Variants in MYH14 observed in about 807,000 individuals in gnomAD.
MYH14 encodes myosin heavy chain 14.
A neutral mutation model predicts 255.5 loss-of-function variants in MYH14; 123 were observed. The ratio of observed to expected loss-of-function variants is 0.48; its 90% CI spans 0.42 to 0.56. The LOEUF is 0.56. Ranked by LOEUF, MYH14 falls within the 20% of genes least tolerant of loss-of-function variation. The pLI is 0.00. For synonymous variants in MYH14, 1,095 were observed against 1,161.2 expected (o/e 0.94, Z 1.16); for missense variants, 2,423 against 2,802.3 (o/e 0.86, Z 3.06).
rs770064199 is a variant in MYH14, at chr19:50,259,285, C to T, written c.2354+20C>T. The T allele has an allele frequency of 1.3e-6, 2 of 1,556,940 alleles. No homozygotes were observed. The highest frequency in any genetic ancestry group is 2.4e-5 in the South Asian group (2 of 84,532). On this transcript the variant is annotated intron_variant, in intron 19 of 42. Coordinates refer to ENST00000642316, the MANE Select transcript of MYH14 (RefSeq NM_001145809.2). The stretch of plus-strand genomic sequence containing the variant: ...GCAGCGGTGAGCTAGAGCGAGGGCC[C>T]AGGCCCGGCGGAGGGGCTGGGTGGG...
intron 33 of MYH14, among the ~76,000 whole-genome samples, chr19:50,282,689 C>T (rs1387594137): frequency 6.6e-6 from 1 of 151,448 alleles, no homozygotes; most frequent in Non-Finnish European, 1.5e-5. Context: ...GGTGATAGAG[C>T]AAGACTCCAT....
intron 27 of MYH14, among the ~76,000 whole-genome samples, chr19:50,274,470 T>C (rs1326742399): frequency 6.6e-6 from 1 of 152,162 alleles, no homozygotes; most frequent in African/African-American, 2.4e-5. Flanking sequence ...AATTTTTGTA[T>C]TTTTAGCAGA....
chr19:50,207,237 A>AAGAGAGAGAGAGAGAGAAAGAGAG (rs2031815142), intron 1 of MYH14, among the ~76,000 whole-genome samples: 1 of 95,204 alleles, frequency 1.1e-5, no homozygotes, highest in African/African-American at 4.1e-5. Flanking sequence ...TCTAAGAAAA[A>AAGAGAGAGAGAGAGAGAAAGAGAG]AGAGAGAGAG....
chr19:50,248,406 C>A (rs566047406), intron 12 of MYH14, among the ~76,000 whole-genome samples: 214 of 152,162 alleles, frequency 1.4e-3, no homozygotes, highest in African/African-American at 4.6e-3. Flanking sequence ...ACACCATGAG[C>A]AGGGAGGGTG....
intron 11 of MYH14, 112 bp downstream of exon 11, chr19:50,244,449 C>A: frequency 1.3e-6 from 1 of 774,672 alleles, no homozygotes. Flanking sequence ...CCACACCTGT[C>A]TCCAACCCAG....
At chr19:50,260,804 TG>T in intron 20 of MYH14, 89 bp downstream of exon 20, 1 of 985,672 alleles carries the variant, frequency 1.0e-6, no homozygotes, top group Non-Finnish European at 1.6e-6. Context: ...TGCATATGTG[TG>T]CATGCGTGTG....
At chr19:50,304,912 T>C (rs1204374545) in intron 40 of MYH14, among the ~76,000 whole-genome samples, 1 of 152,098 alleles carries the variant, frequency 6.6e-6, no homozygotes, top group South Asian at 2.1e-4. Flanking sequence ...TTGGCAGCTT[T>C]GTGGGAAAGT....
chr19:50,270,387 G>C (rs566527064), intron 24 of MYH14, among the ~76,000 whole-genome samples: 112 of 151,980 alleles, frequency 7.4e-4, no homozygotes, highest in African/African-American at 2.5e-3. Flanking sequence ...AGGTGTGGTA[G>C]CGGGTGCCTG....
chr19:50,250,511 C>T lies in MYH14; in HGVS notation c.1657-4C>T. On this transcript the variant is annotated splice_region_variant and splice_polypyrimidine_tract_variant and intron_variant, in intron 14 of 42. Transcript: ENST00000642316. The surrounding 1 kb of genome is among the most constrained non-coding windows in gnomAD (Gnocchi z 5.4). ...CTTACTCTCCCCCTGCTGTCAATGGCCAGGCCAACCCCCCTGGACTCCTGG... is the reference window on the plus strand; with the variant it reads ...CTTACTCTCCCCCTGCTGTCAATGGTCAGGCCAACCCCCCTGGACTCCTGG... 6.2e-7 allele frequency: 1 copy of T among 1,611,832 alleles called. No individual in the cohort carries two copies. Among genetic ancestry groups the T allele is most frequent in the Non-Finnish European group, 8.5e-7 (1 of 1,179,020 alleles).
At chr19:50,284,410 G>C (rs945009192) in intron 33 of MYH14, among the ~76,000 whole-genome samples, 1 of 151,678 alleles carries the variant, frequency 6.6e-6, no homozygotes, top group East Asian at 1.9e-4. Context: ...ACTGTTGCCC[G>C]GGCTGGAGTG....
chr19:50,251,082 G>C (rs73061147), intron 15 of MYH14, among the ~76,000 whole-genome samples: 11,042 of 152,186 alleles, frequency 0.073, 521 homozygotes, highest in Admixed American at 0.13. Context: ...AAATACAGAC[G>C]ATCAGGATAT....
chr19:50,228,699 G>C (rs921898508), intron 8 of MYH14, among the ~76,000 whole-genome samples: 21 of 152,132 alleles, frequency 1.4e-4, no homozygotes, highest in Non-Finnish European at 1.5e-5. Flanking sequence ...AACTGTCCTG[G>C]CACTTGTGTG....
chr19:50,309,468 T>C, intron 42 of MYH14, 172 bp from the exon 43 acceptor site: 1 of 629,362 alleles, frequency 1.6e-6, no homozygotes, highest in Non-Finnish European at 2.8e-6. Flanking sequence ...CCCCCATTGC[T>C]TCTGCCCGTC....
chr19:50,305,759 C>T (rs1204498835), intron 40 of MYH14, among the ~76,000 whole-genome samples: 1 of 151,664 alleles, frequency 6.6e-6, no homozygotes, highest in African/African-American at 2.4e-5. Context: ...GAGACCCCAT[C>T]TCTACAAAAA....
intron 3 of MYH14, among the ~76,000 whole-genome samples, chr19:50,218,469 G>A (rs1301779818): frequency 6.6e-6 from 1 of 151,754 alleles, no homozygotes; most frequent in African/African-American, 2.4e-5. Context: ...CTGGTGGCGG[G>A]CACCTGTAGT....
intron 1 of MYH14, chr19:50,205,476 C>A (rs887626184): frequency 6.6e-6 from 1 of 152,300 alleles, no homozygotes; most frequent in African/African-American, 2.4e-5. Flanking sequence ...TGCGCTGGAC[C>A]GCGGAGGTCG....
chr19:50,306,536 A>G (rs548962954), intron 40 of MYH14, among the ~76,000 whole-genome samples: 1 of 152,340 alleles, frequency 6.6e-6, no homozygotes, highest in African/African-American at 2.4e-5. Context: ...AAATAAACTG[A>G]CAATAAATAG....
rs369620344 is a variant in MYH14, at chr19:50,272,668, G to C, written c.3404G>C (p.Arg1135Pro). The change falls in exon 27 of 43, where the codon CGG becomes CCG. Residue 1135 changes from arginine to proline, a missense_variant. Physicochemically the swap from Arg to Pro is moderately radical, Grantham distance 103. Coordinates refer to ENST00000642316, the MANE Select transcript of MYH14 (RefSeq NM_001145809.2). ...LQEQMVEQQQRAEELRAQLGR... is the reference protein window; with the variant it reads ...LQEQMVEQQQPAEELRAQLGR... ...GAGCAGATGGTGGAGCAGCAACAGC[G>C]GGCAGAGGAGCTGCGGGCCCAGCTG... 2 of 1,557,048 alleles carry C rather than the reference G, an allele frequency of 1.3e-6. No homozygotes were observed. The highest frequency in any genetic ancestry group is 2.4e-5 in the East Asian group (1 of 41,790).
At chr19:50,215,731 A>T (rs1476591764) in intron 2 of MYH14, among the ~76,000 whole-genome samples, 1 of 152,066 alleles carries the variant, frequency 6.6e-6, no homozygotes, top group African/African-American at 2.4e-5. Flanking sequence ...AGGTGGGAGG[A>T]TTGTTTGAGC....
Sources: gnomAD v4.1 joint callset for allele counts (sites outside exome capture counted in the v4.1 genomes callset) on GRCh38, gnomAD v4.1.1 for gene constraint, Gnocchi (gnomAD v3.1) non-coding constraint, MANE v1.5 for transcripts, NCBI Gene and HGNC (gene_info 2026-07-23, HGNC 2026-07-21) for gene names.